The following EYS variants were observed in gnomAD, a reference collection of about 807,000 sequenced individuals.
The protein encoded by EYS is EGF-like photoreceptor maintenance factor, also known as protein eyes shut homolog.
In EYS, 250 loss-of-function variants were observed where a neutral mutation model predicts 282.1. That is an observed-to-expected ratio of 0.89 (90% CI 0.80 to 0.98). EYS has a LOEUF of 0.98. Ranked by LOEUF, EYS falls within the 50% of genes least tolerant of loss-of-function variation. The pLI, the probability that EYS is intolerant of heterozygous loss-of-function variation, is 0.00. For missense variants in EYS, 4,016 were observed against 3,709.0 expected (o/e 1.08, Z -2.15); for synonymous variants, 1,355 against 1,282.9 (o/e 1.06, Z -1.20).
At chr6:64,851,647 G>A (rs1765889040) in intron 19 of EYS, among the ~76,000 whole-genome samples, 1 of 152,110 alleles carries the variant, frequency 6.6e-6, no homozygotes, top group East Asian at 1.9e-4. Context: ...GTCCTTTTCT[G>A]GGACATGGAT....
intron 22 of EYS, among the ~76,000 whole-genome samples, chr6:64,765,903 G>T (rs535106343): frequency 6.6e-6 from 1 of 151,930 alleles, no homozygotes; most frequent in Non-Finnish European, 1.5e-5. Flanking sequence ...ATATCAATGG[G>T]TGTATTTCAG....
Position 64,613,429 on chromosome 6 carries a change from A to C in EYS, c.3684+3989T>G, listed in dbSNP as rs191219727. ...TTCTGGGTTTTGGTCTGGTGTGTAG[A>C]GAATTTGGAAGTCATCATTCCCATC... On this transcript the variant is annotated intron_variant, in intron 24 of 42. Coordinates refer to ENST00000503581, the MANE Select transcript of EYS (RefSeq NM_001142800.2). Among the ~76,000 whole-genome samples the C allele has an allele frequency of 2.4e-3, 361 of 152,006 alleles. 2 individuals are homozygous for C. Among genetic ancestry groups the C allele is most frequent in the African/African-American group, 8.5e-3 (352 of 41,468 alleles).
intron 9 of EYS, among the ~76,000 whole-genome samples, chr6:65,345,864 G>A (rs892858664): frequency 2.6e-5 from 4 of 151,746 alleles, no homozygotes; most frequent in East Asian, 2.0e-4. Flanking sequence ...AAACACAAAT[G>A]AGGGGATATA....
In EYS at chr6:64,518,730, C is replaced by A. The variant is rs116672219; in HGVS notation, c.5644+71493G>T. ...GAATCATGTGAGCAGTTTCCCCCAT[C>A]CTGTTCTTGTGATAGTAAACTCTAA... On this transcript the variant is annotated intron_variant, in intron 26 of 42. Transcript: ENST00000503581. 4.7e-3 allele frequency among the ~76,000 whole-genome samples: 704 copies of A among 151,230 alleles called. 5 individuals carry two copies. The highest frequency in any genetic ancestry group is 0.016 in the African/African-American group (652 of 41,386).
intron 12 of EYS, among the ~76,000 whole-genome samples, chr6:65,262,610 T>C (rs1406916543): frequency 1.3e-5 from 2 of 152,120 alleles, no homozygotes; most frequent in Admixed American, 6.6e-5. Context: ...TCTTTAATGA[T>C]ATAATATGAT....
intron 26 of EYS, among the ~76,000 whole-genome samples, chr6:64,575,357 C>A (rs1765849542): frequency 6.6e-6 from 1 of 152,066 alleles, no homozygotes; most frequent in South Asian, 2.1e-4. Context: ...GTGGTTTCTA[C>A]ACTTGAAGTT....
In EYS at chr6:63,720,491, GGTAATATA is replaced by G; in HGVS notation, c.*97_*104del. 1 of 773,888 alleles carries G rather than the reference GGTAATATA, an allele frequency of 1.3e-6. No individual in the cohort carries two copies. The highest frequency in any genetic ancestry group is 2.0e-6 in the Non-Finnish European group (1 of 505,848). The allele number at this position is 773,888 out of a possible 1,614,324, so 47.9% of individuals were successfully genotyped here. On this transcript the variant is annotated 3_prime_UTR_variant, in exon 43 of 43. Transcript: ENST00000503581. ...ATATGTTAGCATTTAGACTATTTCA[GGTAATATA>G]GTAAACAGTTGATTCCCCGTAAGCA... is the stretch of plus-strand genomic sequence containing the variant.
At position 65,616,656 on chromosome 6, in the gene EYS, C is replaced by T. The variant is rs537597623; in HGVS notation, c.-333+23122G>A. ...CAAAAATTTGCTGGGTGTGGTGGCA[C>T]GTGCCTGTACTCCTAGCTACTCGGA... On this transcript the variant is annotated intron_variant, in intron 2 of 42. Coordinates refer to ENST00000503581, the MANE Select transcript of EYS (RefSeq NM_001142800.2). Among the ~76,000 whole-genome samples, 182 of 151,824 alleles carry T rather than the reference C, an allele frequency of 1.2e-3. 2 individuals are homozygous for T. The highest frequency in any genetic ancestry group is 6.8e-3 in the Middle Eastern group (2 of 294).
intron 33 of EYS, among the ~76,000 whole-genome samples, chr6:64,048,325 A>G (rs994578459): frequency 1.3e-5 from 2 of 152,122 alleles, no homozygotes; most frequent in African/African-American, 4.8e-5. Flanking sequence ...TGGAGAATTT[A>G]TTTTGATCCT....
At position 63,877,586 on chromosome 6, in the gene EYS, T is replaced by C. The variant is rs559991245; in HGVS notation, c.7056-13228A>G. 2.0e-5 allele frequency among the ~76,000 whole-genome samples: 3 copies of C among 152,226 alleles called. No individual in the cohort carries two copies. The South Asian group carries it at 6.2e-4, about 32-fold the overall frequency. On this transcript the variant is annotated intron_variant, in intron 35 of 42. Coordinates refer to ENST00000503581, the MANE Select transcript of EYS (RefSeq NM_001142800.2). ...GTGTTTTCCAACTTGGTTCCATTCT[T>C]CCCAACACTTTCAGGTACACCAATC...
intron 29 of EYS, among the ~76,000 whole-genome samples, chr6:64,346,840 C>T (rs1020910140): frequency 1.3e-5 from 2 of 151,250 alleles, no homozygotes; most frequent in African/African-American, 4.9e-5. Context: ...TTGTCATTGG[C>T]ATATTTGGAA....
intron 33 of EYS, among the ~76,000 whole-genome samples, chr6:64,052,235 A>AT (rs1318465633): frequency 6.6e-6 from 1 of 152,160 alleles, no homozygotes; most frequent in Non-Finnish European, 1.5e-5. Flanking sequence ...CACTCCTCTT[A>AT]TTCCTGAGCC....
intron 22 of EYS, among the ~76,000 whole-genome samples, chr6:64,642,704 A>G (rs929908303): frequency 6.6e-6 from 1 of 152,244 alleles, no homozygotes; most frequent in Non-Finnish European, 1.5e-5. Context: ...ATGCATTACT[A>G]AAAAGCAAAC....
chr6:65,406,808 T>C (rs1482476285), intron 5 of EYS, among the ~76,000 whole-genome samples: 1 of 152,198 alleles, frequency 6.6e-6, no homozygotes, highest in Non-Finnish European at 1.5e-5. Flanking sequence ...TTTCCTGATT[T>C]ATATGCCTTT....
In EYS at chr6:64,243,012, ATATTTAT is replaced by A. The variant is rs1336600789; in HGVS notation, c.6192-12195_6192-12189del. Reference sequence around the variant, plus strand: ...GATATAAACTAATTATAATTTATATATATTTATTAAGTATAATAAATATAAAATATAA... The same window carrying A: ...GATATAAACTAATTATAATTTATATATAAGTATAATAAATATAAAATATAA... On this transcript the variant is annotated intron_variant, in intron 30 of 42. Coordinates refer to ENST00000503581, the MANE Select transcript of EYS (RefSeq NM_001142800.2). 3.4e-5 allele frequency among the ~76,000 whole-genome samples: 5 copies of A among 147,222 alleles called. No homozygotes were observed. The South Asian group carries it at 1.0e-3, about 31-fold the overall frequency.
At chr6:63,763,445 C>G (rs1031065907) in intron 40 of EYS, among the ~76,000 whole-genome samples, 2 of 151,946 alleles carry the variant, frequency 1.3e-5, no homozygotes, top group African/African-American at 4.8e-5. Context: ...TATGGTTTGG[C>G]TGTGTCCCCA....
chr6:65,436,508 A>G (rs1303795586), intron 5 of EYS, among the ~76,000 whole-genome samples: 3 of 152,162 alleles, frequency 2.0e-5, no homozygotes, highest in Non-Finnish European at 4.4e-5. Flanking sequence ...AGTGCTTCCC[A>G]GCATTTTTCA....
At chr6:64,066,296 A>C in intron 33 of EYS, 42 bp downstream of exon 33, 1 of 1,518,604 alleles carries the variant, frequency 6.6e-7, no homozygotes, top group Admixed American at 2.2e-5. Context: ...CGAACAAACA[A>C]AATTTCAGCA....
At chr6:65,131,311 T>G (rs7749584) in intron 12 of EYS, among the ~76,000 whole-genome samples, 6,052 of 151,828 alleles carry the variant, frequency 0.04, 203 homozygotes, top group African/African-American at 0.092. Flanking sequence ...ACTCTAAAAT[T>G]AACCACATAA....
Sources: allele counts gnomAD v4.1 joint callset (sites outside exome capture counted in the v4.1 genomes callset), GRCh38; gene constraint gnomAD v4.1.1; transcripts MANE v1.5; gene names NCBI Gene and HGNC (gene_info 2026-07-23, HGNC 2026-07-21).